AMN: variants seen among roughly 807,000 people sequenced by gnomAD.
The protein encoded by AMN is amnion associated transmembrane protein.
In AMN, 40 loss-of-function variants were observed where a neutral mutation model predicts 49.1. The ratio of observed to expected loss-of-function variants is 0.81; its 90% CI spans 0.63 to 1.06. The LOEUF (loss-of-function observed/expected upper bound fraction) is 1.06. Among genes scored for constraint, AMN ranks in the 50% least tolerant of loss-of-function variants. The pLI is 0.00. For missense variants in AMN, 701 were observed against 662.8 expected, an observed-to-expected ratio of 1.06 and a Z score of -0.63; for synonymous variants, 380 against 313.3, an observed-to-expected ratio of 1.21 and a Z score of -2.25.
chr14:102,928,678 C>G (rs1891246341), intron 4 of AMN, 80 bp from the exon 5 acceptor site: 13 of 1,532,514 alleles, frequency 8.5e-6, no homozygotes, highest in African/African-American at 2.8e-5. Flanking sequence ...AGGTCGTGCT[C>G]AGACGCGTGG....
chr14:102,923,422 G>T (rs1436044485), intron 1 of AMN: 4 of 454,796 alleles, frequency 8.8e-6, no homozygotes, highest in Non-Finnish European at 1.6e-5. Context: ...CTGCTCCAGC[G>T]CCAGGCAAAC....
At chr14:102,929,000 C>A in intron 5 of AMN, 25 bp downstream of exon 5, 7 of 1,595,874 alleles carry the variant, frequency 4.4e-6, no homozygotes, top group South Asian at 1.1e-5. Flanking sequence ...GAGGGAGGCT[C>A]GGGTCCCCTC....
Position 102,928,140 on chromosome 14 carries a change from C to A in AMN, c.208-286C>A, listed in dbSNP as rs1368897271. Among the ~76,000 whole-genome samples, 3 of 152,362 alleles carry A rather than the reference C, an allele frequency of 2.0e-5. No individual in the cohort carries two copies. In the East Asian group the frequency reaches 5.8e-4, roughly 29 times the overall value. ...CCCCAGACTCCCCACGGCTCCGTCTCGCTCCCCGGCTCCGGCTCTGCCCCT... is the reference window on the plus strand; with the variant it reads ...CCCCAGACTCCCCACGGCTCCGTCTAGCTCCCCGGCTCCGGCTCTGCCCCT... On this transcript the variant is annotated intron_variant, in intron 3 of 11. Transcript: ENST00000299155.
chr14:102,923,856 TGATGGGCCTG>T (rs1566825644), intron 2 of AMN, 27 bp downstream of exon 2: 1 of 1,612,476 alleles, frequency 6.2e-7, no homozygotes, highest in Admixed American at 1.7e-5. Flanking sequence ...GCGGGGTCGG[TGATGGGCCTG>T]GACCCCTGAG....
chr14:102,926,688 G>T (rs185388571), intron 3 of AMN, among the ~76,000 whole-genome samples: 1 of 149,102 alleles, frequency 6.7e-6, no homozygotes, highest in African/African-American at 2.5e-5. Flanking sequence ...CCGGGCTCAA[G>T]CGATTCTCCT....
intron 3 of AMN, among the ~76,000 whole-genome samples, chr14:102,925,804 C>T (rs1891173986): frequency 6.6e-6 from 1 of 152,162 alleles, no homozygotes; most frequent in Admixed American, 6.5e-5. Context: ...TCCCAGCCTG[C>T]AGAGGCCGAA....
intron 3 of AMN, among the ~76,000 whole-genome samples, chr14:102,927,421 C>T (rs1891212157): frequency 1.3e-5 from 2 of 152,212 alleles, no homozygotes; most frequent in Admixed American, 1.3e-4. Context: ...TCCTGGGAAC[C>T]CCTCCCTGTT....
intron 10 of AMN, 32 bp from the exon 11 acceptor site, chr14:102,930,374 G>T (rs1395680017): frequency 6.7e-7 from 1 of 1,486,042 alleles, no homozygotes; most frequent in African/African-American, 1.5e-5. Context: ...TTGCTCCGAG[G>T]GGCTCACGCT....
intron 3 of AMN, among the ~76,000 whole-genome samples, chr14:102,926,904 T>G (rs1891200946): frequency 1.3e-5 from 2 of 151,488 alleles, no homozygotes; most frequent in Non-Finnish European, 2.9e-5. Flanking sequence ...TTAAGTTTGT[T>G]TTTTTGAGAC....
chr14:102,924,355 C>G (rs1030552205), intron 3 of AMN, among the ~76,000 whole-genome samples: 2 of 149,976 alleles, frequency 1.3e-5, no homozygotes, highest in African/African-American at 4.9e-5. Flanking sequence ...ACACCCCCCC[C>G]TCTACCCACC....
chr14:102,927,213 T>C (rs567335301), intron 3 of AMN, among the ~76,000 whole-genome samples: 1 of 152,338 alleles, frequency 6.6e-6, no homozygotes, highest in South Asian at 2.1e-4. Flanking sequence ...GTTTCTATTA[T>C]AAATGTTGCC....
At chr14:102,922,998 C>T (rs1014332872) in intron 1 of AMN, 6 of 495,108 alleles carry the variant, frequency 1.2e-5, no homozygotes, top group Non-Finnish European at 2.1e-5. Context: ...GCGGCTCCTG[C>T]CCTCGCGGTT....
At chr14:102,924,381 C>T (rs2139302342) in intron 3 of AMN, among the ~76,000 whole-genome samples, 1 of 152,290 alleles carries the variant, frequency 6.6e-6, no homozygotes, top group African/African-American at 2.4e-5. Flanking sequence ...GGTCCCTGGC[C>T]TGTTAGGAAG....
Position 102,930,695 on chromosome 14 carries a change from G to A in AMN, c.*15G>A, listed in dbSNP as rs376784377. The A allele has an allele frequency of 3.2e-6, 5 of 1,564,956 alleles. No individual in the cohort carries two copies. Among genetic ancestry groups the A allele is most frequent in the Admixed American group, 1.9e-5 (1 of 53,398 alleles). On this transcript the variant is annotated 3_prime_UTR_variant, in exon 12 of 12. Transcript: ENST00000299155. ...CCGAGGCCTGAGCGGCCGCCTGACCGTCGACCTTGGGGCTCTCCACCCGCT... is the reference window on the plus strand; with the variant it reads ...CCGAGGCCTGAGCGGCCGCCTGACCATCGACCTTGGGGCTCTCCACCCGCT...
intron 1 of AMN, chr14:102,923,375 A>AT (rs1450630628): frequency 2.6e-6 from 1 of 387,416 alleles, no homozygotes; most frequent in African/African-American, 2.1e-5. Flanking sequence ...ATCCTCCTCC[A>AT]TGCCCCAGTT....
chr14:102,924,775 A>AT (rs1332419345), intron 3 of AMN, among the ~76,000 whole-genome samples: 1 of 152,214 alleles, frequency 6.6e-6, no homozygotes, highest in Non-Finnish European at 1.5e-5. Context: ...TTCATCACGT[A>AT]TTAAAGGCTC....
intron 3 of AMN, among the ~76,000 whole-genome samples, chr14:102,928,105 G>T (rs1891228097): frequency 6.6e-6 from 1 of 152,228 alleles, no homozygotes; most frequent in African/African-American, 2.4e-5. Context: ...CCTGGCCAGA[G>T]TCACCTCCGC....
intron 3 of AMN, among the ~76,000 whole-genome samples, chr14:102,926,788 G>T (rs947622168): frequency 6.6e-6 from 1 of 152,080 alleles, no homozygotes. Flanking sequence ...TCAAGAGCAT[G>T]GACGGACTCT....
intron 3 of AMN, among the ~76,000 whole-genome samples, chr14:102,926,656 G>A (rs1007137587): frequency 1.4e-5 from 2 of 147,618 alleles, no homozygotes; most frequent in East Asian, 2.0e-4. Context: ...GTGTGATCTC[G>A]GCTCAGTGCA....
Sources: gnomAD v4.1 joint callset for allele counts (sites outside exome capture counted in the v4.1 genomes callset) on GRCh38, gnomAD v4.1.1 for gene constraint, MANE v1.5 for transcripts, NCBI Gene and HGNC (gene_info 2026-07-23, HGNC 2026-07-21) for gene names.